Variants in KIF7 observed in about 807,000 individuals in gnomAD.
The protein encoded by KIF7 is kinesin-like protein KIF7.
A neutral mutation model predicts 135.7 loss-of-function variants in KIF7; 104 were observed. The ratio of observed to expected loss-of-function variants is 0.77; its 90% CI spans 0.65 to 0.90. The LOEUF (loss-of-function observed/expected upper bound fraction) is 0.90. KIF7 is among the 40% of genes least tolerant of loss of function. KIF7 has a pLI of 0.00. For synonymous variants in KIF7, 883 were observed against 809.4 expected (o/e 1.09, Z -1.54); for missense variants, 2,005 against 1,839.1 (o/e 1.09, Z -1.65).
chr15:89,642,389 G>C lies in KIF7; in HGVS notation c.2208C>G (p.Ala736=), dbSNP rs778966699. The C allele has an allele frequency of 6.9e-6, 11 of 1,602,194 alleles. No homozygotes were observed. In the African/African-American group the frequency reaches 1.5e-4, roughly 21 times the overall value. Residue 736 remains alanine (A), a synonymous_variant, in exon 11 of 19, where the codon GCC becomes GCG. Transcript: ENST00000394412. ...TACGCTGGCTGTGCTGGCGGTTCAGGGCCTGAGCTGCCTTTCCTGGAAGAA... is the reference window on the plus strand; with the variant it reads ...TACGCTGGCTGTGCTGGCGGTTCAGCGCCTGAGCTGCCTTTCCTGGAAGAA... ...ELVRTGKAAQ[A]LNRQHSQRIR... is the part of the protein sequence containing the mutation.
At chr15:89,633,997 A>G (rs1963746536) in intron 11 of KIF7, 114 bp from the exon 12 acceptor site, 1 of 1,096,176 alleles carries the variant, frequency 9.1e-7, no homozygotes. Flanking sequence ...GGTGGGTGAT[A>G]GACCAATAAT....
downstream of KIF7, chr15:89,625,434 C>G: frequency 6.2e-7 from 1 of 1,613,930 alleles, no homozygotes; most frequent in East Asian, 2.2e-5. Flanking sequence ...TCGGTGCAGA[C>G]CTTCCTGGGA....
chr15:89,631,473 G>A (rs1281163202), intron 15 of KIF7, 22 bp downstream of exon 15: 2 of 1,548,082 alleles, frequency 1.3e-6, no homozygotes, highest in South Asian at 1.2e-5. Flanking sequence ...CCAAGGGGCT[G>A]AGCCATGGGG....
chr15:89,624,867 G>C, downstream of KIF7: 1 of 1,614,018 alleles, frequency 6.2e-7, no homozygotes, highest in Non-Finnish European at 8.5e-7. Context: ...GCTCTCCTCT[G>C]ATGCCTTCCC....
At chr15:89,624,987 T>C, downstream of KIF7, 2 of 1,614,072 alleles carry the variant, frequency 1.2e-6, no homozygotes, top group Non-Finnish European at 1.7e-6. Context: ...CACAGACCTA[T>C]GAGGTTGAGC....
rs1228139593 is a variant in KIF7, at chr15:89,647,026, A to T, written c.1592T>A (p.Met531Lys). Reference protein sequence around the residue: ...SDRLREQQEEMVELRLRLELV... With the variant: ...SDRLREQQEEKVELRLRLELV... ...CTCTAACCGCAGCCGCAGTTCCACC[A>T]TCTCCTCCTGCTGCTCACGCAGCCG... is the stretch of plus-strand genomic sequence containing the variant. The change falls in exon 7 of 19, where the codon ATG becomes AAG. Residue 531 changes from methionine to lysine, a missense_variant. Coordinates refer to ENST00000394412, the MANE Select transcript of KIF7 (RefSeq NM_198525.3). 6.2e-7 allele frequency: 1 copy of T among 1,609,056 alleles called. No individual in the cohort carries two copies. Among genetic ancestry groups the T allele is most frequent in the African/African-American group, 1.3e-5 (1 of 74,902 alleles).
intron 14 of KIF7, among the ~76,000 whole-genome samples, chr15:89,632,372 G>A (rs901898438): frequency 4.6e-5 from 7 of 152,206 alleles, no homozygotes; most frequent in Non-Finnish European, 7.3e-5. Flanking sequence ...GCCAGGCGGA[G>A]AAGTCTCTTT....
intron 1 of KIF7, among the ~76,000 whole-genome samples, chr15:89,618,474 C>G (rs1410733927): frequency 6.6e-6 from 1 of 152,136 alleles, no homozygotes; most frequent in Non-Finnish European, 1.5e-5. Context: ...AGTGCTATGA[C>G]TTATTTTAAA....
chr15:89,628,827 CA>C (rs773655787), intron 18 of KIF7, 41 bp from the exon 19 acceptor site: 2 of 1,611,712 alleles, frequency 1.2e-6, no homozygotes, highest in East Asian at 4.5e-5. Context: ...AAACAGGTGG[CA>C]ACACCTTCCC....
At chr15:89,650,521 G>A (rs1964107282) in intron 2 of KIF7, among the ~76,000 whole-genome samples, 1 of 152,172 alleles carries the variant, frequency 6.6e-6, no homozygotes, top group Non-Finnish European at 1.5e-5. Flanking sequence ...AGCCTCCTGA[G>A]TAGCTGGGAT....
chr15:89,635,072 C>T (rs1596069998), intron 11 of KIF7, among the ~76,000 whole-genome samples: 1 of 152,030 alleles, frequency 6.6e-6, no homozygotes, highest in African/African-American at 2.4e-5. Flanking sequence ...GGCAGACTGA[C>T]ACCTCACACG....
At chr15:89,623,054 C>T (rs1213140858), downstream of KIF7, among the ~76,000 whole-genome samples, 4 of 152,200 alleles carry the variant, frequency 2.6e-5, no homozygotes, top group Non-Finnish European at 5.9e-5. Flanking sequence ...ATTTCCTTAC[C>T]TGTTGGAGCT....
chr15:89,624,391 C>T, downstream of KIF7: 1 of 1,614,170 alleles, frequency 6.2e-7, no homozygotes, highest in Non-Finnish European at 8.5e-7. Flanking sequence ...TCCCTCAACT[C>T]CCCCTGAACT....
At chr15:89,631,236 A>G (rs774807443) in intron 15 of KIF7, among the ~76,000 whole-genome samples, 1 of 152,242 alleles carries the variant, frequency 6.6e-6, no homozygotes, top group African/African-American at 2.4e-5. Flanking sequence ...TGCAGCACAG[A>G]ACAGGAGTCC....
At chr15:89,630,665 A>C in intron 15 of KIF7, 172 bp from the exon 16 acceptor site, 1 of 669,752 alleles carries the variant, frequency 1.5e-6, no homozygotes, top group Non-Finnish European at 2.7e-6. Flanking sequence ...TCACAGCCCC[A>C]ACCCCAGGGT....
rs183863850 is a variant in KIF7 at position 89,630,040 on chromosome 15, A to G, written c.3318+247T>C. 2.4e-5 allele frequency: 14 copies of G among 576,240 alleles called. No individual in the cohort carries two copies. In the Middle Eastern group the frequency reaches 1.4e-3, roughly 58 times the overall value. 35.7% of individuals were successfully genotyped at this position (576,240 alleles called of 1,614,324 possible). ...GCAAAAACTTCCCCTACTGAGAGCT[A>G]CTATTGTGGCCATGGACCACCCTGA... On this transcript the variant is annotated intron_variant, in intron 16 of 18. Transcript: ENST00000394412.
chr15:89,629,649 G>A (rs951677890), intron 16 of KIF7, 76 bp from the exon 17 acceptor site: 10 of 1,579,848 alleles, frequency 6.3e-6, no homozygotes, highest in African/African-American at 4.0e-5. Context: ...CACAGACACA[G>A]TATTGGCACA....
At position 89,648,673 on chromosome 15, in the gene KIF7, T is replaced by A. The variant is rs372182012; in HGVS notation, c.1025A>T (p.Tyr342Phe). The stretch of plus-strand genomic sequence containing the variant: ...GCGGATGTTCTGGGCGCGGCTGGCG[T>A]AGTTGAGGGTGTTGAGGGTCTCGTC... Reference protein sequence around the residue: ...DFDETLNTLNYASRAQNIRNR... With the variant: ...DFDETLNTLNFASRAQNIRNR... Residue 342 changes from tyrosine (Y) to phenylalanine (F), a missense_variant, in exon 5 of 19, where the codon TAC (tyrosine) becomes TTC (phenylalanine). Tyr to Phe is a conservative substitution (Grantham distance 22, BLOSUM62 3). Transcript: ENST00000394412. 57 of 1,534,976 alleles carry A rather than the reference T, an allele frequency of 3.7e-5. No individual in the cohort carries two copies. Among genetic ancestry groups the A allele is most frequent in the Middle Eastern group, 3.3e-4 (2 of 5,976 alleles).
chr15:89,624,276 G>A (rs1250114955), downstream of KIF7: 9 of 1,614,070 alleles, frequency 5.6e-6, no homozygotes, highest in Non-Finnish European at 8.5e-7. Flanking sequence ...TCTCCAAGAA[G>A]AGTCCATTTA....
Sources: allele counts gnomAD v4.1 joint callset (sites outside exome capture counted in the v4.1 genomes callset), GRCh38; gene constraint gnomAD v4.1.1; transcripts MANE v1.5; gene names NCBI Gene and HGNC (gene_info 2026-07-23, HGNC 2026-07-21).